Variants in KLHL15 observed in about 807,000 individuals in gnomAD.
The protein encoded by KLHL15 is kelch like family member 15, also known as kelch-like protein 15.
KLHL15 carries 1 observed loss-of-function variant against 29.3 expected under a neutral mutation model. The ratio of observed to expected loss-of-function variants is 0.03; its 90% CI spans 0.01 to 0.16. KLHL15 has a LOEUF of 0.16. Among genes scored for constraint, KLHL15 ranks in the 10% least tolerant of loss-of-function variants. The probability of loss-of-function intolerance (pLI) is 1.00; values close to 1 mark genes in which losing one functional copy is unlikely to be tolerated. For missense variants in KLHL15, 215 were observed against 478.5 expected (o/e 0.45, Z 5.14); for synonymous variants, 212 against 184.5 (o/e 1.15, Z -1.21).
chrX:24,011,167 C>CAA (rs200250064), intron 2 of KLHL15, among the ~76,000 whole-genome samples: 14 of 53,954 alleles, frequency 2.6e-4, no homozygotes, highest in African/African-American at 7.0e-4. Context: ...AAAGTCATCT[C>CAA]AAAAAAAAAA....
chrX:24,022,688 A>G (rs1260201920), intron 2 of KLHL15, among the ~76,000 whole-genome samples: 1 of 108,360 alleles, frequency 9.2e-6, no homozygotes, highest in Non-Finnish European at 1.9e-5. Flanking sequence ...AAGCTCTTTC[A>G]AAACTTTCTT....
intron 2 of KLHL15, among the ~76,000 whole-genome samples, chrX:24,015,415 G>C (rs1234688088): frequency 8.9e-6 from 1 of 112,608 alleles, no homozygotes; most frequent in East Asian, 2.8e-4. Context: ...ATCTGCGATA[G>C]CCGAGACATA....
chrX:24,022,701 G>GT (rs1387006091), intron 2 of KLHL15, among the ~76,000 whole-genome samples: 1 of 106,058 alleles, frequency 9.4e-6, no homozygotes, highest in African/African-American at 3.4e-5. Context: ...ACTTTCTTCT[G>GT]TATCTCTCAA....
chrX:24,001,009 A>C (rs959494678), intron 3 of KLHL15, among the ~76,000 whole-genome samples: 21 of 112,452 alleles, frequency 1.9e-4, no homozygotes, highest in African/African-American at 6.1e-4. Context: ...TCTTATAATA[A>C]ATTCTCTGTA....
At chrX:23,993,012 TAAC>T (rs1156712145) in intron 3 of KLHL15, among the ~76,000 whole-genome samples, 1 of 109,971 alleles carries the variant, frequency 9.1e-6, no homozygotes, top group African/African-American at 3.3e-5. Flanking sequence ...TATTAACAAA[TAAC>T]AAAGAGAAAC....
intron 1 of KLHL15, among the ~76,000 whole-genome samples, 189 bp from the exon 2 acceptor site, chrX:24,025,247 G>C (rs759849836): frequency 2.9e-4 from 32 of 111,074 alleles, no homozygotes; most frequent in Admixed American, 2.0e-3. Flanking sequence ...AGAGACAGAA[G>C]CACCAGCCGA....
rs1385842888 is a variant in KLHL15, at chrX:23,986,313, A to C, written c.*1608T>G. ...CAAACAAACAAACAAAAAAACAAAA[A>C]ACACCAAACAAAGTGAAACTAGAAA... On this transcript the variant is annotated 3_prime_UTR_variant, in exon 4 of 4. Transcript: ENST00000328046. 1 of 112,052 alleles carries C rather than the reference A, an allele frequency of 8.9e-6. No homozygotes were observed. The highest frequency in any genetic ancestry group is 3.2e-5 in the African/African-American group (1 of 30,853). 9.2% of individuals were successfully genotyped at this position (112,052 alleles called of 1,213,427 possible).
At chrX:24,000,849 A>G (rs1929299326) in intron 3 of KLHL15, among the ~76,000 whole-genome samples, 1 of 112,573 alleles carries the variant, frequency 8.9e-6, no homozygotes, top group African/African-American at 3.2e-5. Flanking sequence ...CATTTACCAA[A>G]TGGGTTGTGC....
intron 2 of KLHL15, among the ~76,000 whole-genome samples, chrX:24,015,134 CTTAT>C (rs1338114038): frequency 2.7e-5 from 3 of 112,035 alleles, no homozygotes; most frequent in African/African-American, 9.7e-5. Flanking sequence ...ATTTTTCCTA[CTTAT>C]AACCAAGGGT....
chrX:24,011,496 T>C (rs146715980), intron 2 of KLHL15, among the ~76,000 whole-genome samples: 272 of 111,160 alleles, frequency 2.4e-3, no homozygotes, highest in African/African-American at 8.5e-3. Flanking sequence ...ATACAAAAAT[T>C]AGCCAAGCAT....
intron 3 of KLHL15, among the ~76,000 whole-genome samples, chrX:23,992,761 C>T (rs1022449162): frequency 5.4e-5 from 6 of 112,017 alleles, no homozygotes; most frequent in African/African-American, 9.7e-5. Context: ...AAATCTGATG[C>T]GCTGCACAGA....
intron 3 of KLHL15, among the ~76,000 whole-genome samples, chrX:23,994,484 C>T (rs1401967062): frequency 2.7e-5 from 3 of 112,137 alleles, no homozygotes; most frequent in African/African-American, 9.7e-5. Context: ...GATCCATATG[C>T]ACTAACACAG....
At position 23,984,180 on chromosome X, in the gene KLHL15, G is replaced by A. The variant is rs1928945949; in HGVS notation, c.*3741C>T. The stretch of plus-strand genomic sequence containing the variant: ...GAATTTAAGGGAGAACAAAGCTGAT[G>A]GCATTCTCCTCAATGTTACTTGTGT... On this transcript the variant is annotated 3_prime_UTR_variant, in exon 4 of 4. Coordinates refer to ENST00000328046, the MANE Select transcript of KLHL15 (RefSeq NM_030624.3). 8.9e-6 allele frequency: 1 copy of A among 111,766 alleles called. No individual in the cohort carries two copies. Among genetic ancestry groups the A allele is most frequent in the Non-Finnish European group, 1.9e-5 (1 of 53,087 alleles). The allele number at this position is 111,766 out of a possible 1,213,427, so 9.2% of individuals were successfully genotyped here. A position where few individuals can be genotyped will look rare whatever the true frequency, so the allele number is the denominator to read the frequency against.
chrX:24,007,395 A>C (rs1356213766), intron 2 of KLHL15, among the ~76,000 whole-genome samples: 2 of 104,638 alleles, frequency 1.9e-5, no homozygotes, highest in Non-Finnish European at 3.9e-5. Context: ...CAGGAGGCCA[A>C]GACAGGAGAA....
intron 3 of KLHL15, among the ~76,000 whole-genome samples, chrX:24,003,853 C>T (rs1044832459): frequency 1.9e-5 from 2 of 106,651 alleles, no homozygotes; most frequent in Non-Finnish European, 3.9e-5. Flanking sequence ...TCTGGGAGGC[C>T]GAGGCACGAG....
At chrX:23,993,692 A>G (rs1849977164) in intron 3 of KLHL15, among the ~76,000 whole-genome samples, 1 of 109,707 alleles carries the variant, frequency 9.1e-6, no homozygotes, top group Admixed American at 9.9e-5. Flanking sequence ...AACTAAAGTG[A>G]TATGGCAGCT....
At chrX:24,019,014 A>G (rs1008191421) in intron 2 of KLHL15, among the ~76,000 whole-genome samples, 2 of 111,783 alleles carry the variant, frequency 1.8e-5, no homozygotes, top group Admixed American at 9.5e-5. Flanking sequence ...AAATACATAA[A>G]TAAAGAATAG....
Position 24,001,256 on chromosome X carries a change from G to A in KLHL15, c.705+4733C>T, listed in dbSNP as rs192203328. Among the ~76,000 whole-genome samples the A allele has an allele frequency of 3.3e-3, 370 of 111,115 alleles. 2 individuals are homozygous for A. The highest frequency in any genetic ancestry group is 0.011 in the African/African-American group (347 of 30,681). ...AACTAATGTGTTTTTTCTCTTTATC[G>A]GATTTAAAATAGATTTCTTTCCCTC... is the stretch of plus-strand genomic sequence containing the variant. On this transcript the variant is annotated intron_variant, in intron 3 of 3. Transcript: ENST00000328046.
chrX:24,002,032 CT>C (rs1373864571), intron 3 of KLHL15, among the ~76,000 whole-genome samples: 5 of 108,522 alleles, frequency 4.6e-5, no homozygotes, highest in African/African-American at 1.7e-4. Context: ...ACTCGGGAGG[CT>C]GAGGCAGGAG....
Sources: allele counts gnomAD v4.1 joint callset (sites outside exome capture counted in the v4.1 genomes callset), GRCh38; gene constraint gnomAD v4.1.1; transcripts MANE v1.5; gene names NCBI Gene and HGNC (gene_info 2026-07-23, HGNC 2026-07-21).